The following ZFAND3 variants were observed in gnomAD, a reference collection of about 807,000 sequenced individuals.
ZFAND3 encodes AN1-type zinc finger protein 3.
In ZFAND3, 10 loss-of-function variants were observed where a neutral mutation model predicts 29.6. The observed-to-expected ratio is 0.34, with a 90% CI of 0.21 to 0.57. The LOEUF is 0.57. Among genes scored for constraint, ZFAND3 ranks in the 20% least tolerant of loss-of-function variants. ZFAND3 has a pLI of 0.86. For synonymous variants in ZFAND3, 128 were observed against 112.6 expected, an observed-to-expected ratio of 1.14 and a Z score of -0.87; for missense variants, 230 against 304.5, an observed-to-expected ratio of 0.76 and a Z score of 1.82.
intron 1 of ZFAND3, 148 bp from the exon 2 acceptor site, chr6:37,929,811 C>A: frequency 1.8e-6 from 1 of 552,478 alleles, no homozygotes; most frequent in South Asian, 4.9e-5. Context: ...TGGTGGCTAG[C>A]TAGGGACTTG....
chr6:37,862,293 A>G (rs1764507041), intron 1 of ZFAND3, among the ~76,000 whole-genome samples: 2 of 152,116 alleles, frequency 1.3e-5, no homozygotes, highest in African/African-American at 4.8e-5. Context: ...GGTACAGTAG[A>G]CGGCCTCATT....
At chr6:37,998,522 A>G (rs937031519) in intron 2 of ZFAND3, among the ~76,000 whole-genome samples, 3 of 151,272 alleles carry the variant, frequency 2.0e-5, no homozygotes, top group Admixed American at 6.6e-5. Context: ...TGTATGAAAC[A>G]TCTGTAATGA....
chr6:38,146,055 C>T (rs1325752278), intron 5 of ZFAND3, among the ~76,000 whole-genome samples: 6 of 152,240 alleles, frequency 3.9e-5, no homozygotes, highest in African/African-American at 9.6e-5. Context: ...ACCCCCATCA[C>T]TGTGCCAAGC....
At chr6:37,959,113 G>A (rs1398791140) in intron 2 of ZFAND3, among the ~76,000 whole-genome samples, 1 of 152,150 alleles carries the variant, frequency 6.6e-6, no homozygotes, top group Non-Finnish European at 1.5e-5. Flanking sequence ...TGGTATTCTC[G>A]GCAGCCCCCA....
At chr6:38,085,169 C>T (rs777118379) in intron 4 of ZFAND3, among the ~76,000 whole-genome samples, 1 of 152,160 alleles carries the variant, frequency 6.6e-6, no homozygotes, top group Non-Finnish European at 1.5e-5. Flanking sequence ...TGTCTAGGCT[C>T]TTCAAGTTAG....
chr6:38,101,295 A>G (rs1184693096), intron 4 of ZFAND3, among the ~76,000 whole-genome samples: 1 of 152,162 alleles, frequency 6.6e-6, no homozygotes, highest in Admixed American at 6.5e-5. Context: ...CAGCTCTCTT[A>G]AACGTTGTAC....
intron 2 of ZFAND3, among the ~76,000 whole-genome samples, chr6:38,054,912 A>G (rs2127461377): frequency 6.6e-6 from 1 of 152,316 alleles, no homozygotes; most frequent in African/African-American, 2.4e-5. Flanking sequence ...GCTGGCTACT[A>G]ATGGCTTTGT....
At chr6:37,895,459 C>CTTTTTTTTTTTTTTTTTTT (rs11331881) in intron 1 of ZFAND3, among the ~76,000 whole-genome samples, 11 of 76,772 alleles carry the variant, frequency 1.4e-4, no homozygotes, top group South Asian at 5.7e-4. Flanking sequence ...CTCAGAGGTT[C>CTTTTTTTTTTTTTTTTTTT]TTTTTTTTTT....
intron 1 of ZFAND3, among the ~76,000 whole-genome samples, chr6:37,886,154 C>T (rs1412824535): frequency 7.0e-6 from 1 of 142,144 alleles, no homozygotes; most frequent in African/African-American, 2.6e-5. Context: ...AGGAGAATTG[C>T]TTGAACCCAG....
intron 2 of ZFAND3, chr6:38,003,576 G>T: frequency 4.2e-6 from 1 of 235,802 alleles, no homozygotes; most frequent in South Asian, 4.1e-5. Context: ...TCAGCTCACT[G>T]CAACCCCTGC....
intron 4 of ZFAND3, among the ~76,000 whole-genome samples, chr6:38,108,455 C>T (rs1765250611): frequency 6.6e-6 from 1 of 152,166 alleles, no homozygotes; most frequent in Admixed American, 6.5e-5. Flanking sequence ...ACAAAGGAAG[C>T]TGACAGTACA....
chr6:38,137,788 G>A (rs1765870505), intron 5 of ZFAND3, among the ~76,000 whole-genome samples: 2 of 152,116 alleles, frequency 1.3e-5, no homozygotes, highest in Non-Finnish European at 2.9e-5. Context: ...GGAGAGCAGT[G>A]CCCTAGACAG....
chr6:37,996,412 TGAG>T (rs1224098388), intron 2 of ZFAND3, among the ~76,000 whole-genome samples: 2 of 152,212 alleles, frequency 1.3e-5, no homozygotes, highest in East Asian at 3.8e-4. Context: ...TCAATTTAAA[TGAG>T]GATGCACAGA....
intron 2 of ZFAND3, among the ~76,000 whole-genome samples, chr6:38,036,488 G>A (rs910350532): frequency 2.6e-5 from 4 of 152,188 alleles, no homozygotes; most frequent in African/African-American, 9.7e-5. Flanking sequence ...AAACTAGAAA[G>A]TGTGACCACC....
intron 2 of ZFAND3, among the ~76,000 whole-genome samples, chr6:37,965,470 A>G (rs1394628079): frequency 6.6e-6 from 1 of 152,032 alleles, no homozygotes; most frequent in Non-Finnish European, 1.5e-5. Flanking sequence ...TCATATATCC[A>G]TTTCTTGACC....
At chr6:37,911,405 A>G (rs891071380) in intron 1 of ZFAND3, among the ~76,000 whole-genome samples, 1 of 152,306 alleles carries the variant, frequency 6.6e-6, no homozygotes, top group East Asian at 1.9e-4. Context: ...TTTTCTTGCT[A>G]TTGAGTTGAG....
At chr6:38,086,040 G>A (rs1198015624) in intron 4 of ZFAND3, among the ~76,000 whole-genome samples, 2 of 152,106 alleles carry the variant, frequency 1.3e-5, no homozygotes, top group African/African-American at 2.4e-5. Flanking sequence ...GCAGTGTAGA[G>A]TGGTTGGTCT....
intron 2 of ZFAND3, among the ~76,000 whole-genome samples, chr6:37,962,582 C>G (rs887275075): frequency 6.6e-6 from 1 of 152,146 alleles, no homozygotes; most frequent in Non-Finnish European, 1.5e-5. Context: ...CGCTCTGTGT[C>G]TAGCTAAAGG....
chr6:37,867,859 A>G (rs1764616689), intron 1 of ZFAND3, among the ~76,000 whole-genome samples: 1 of 152,166 alleles, frequency 6.6e-6, no homozygotes, highest in African/African-American at 2.4e-5. Context: ...TGGGTGAAAG[A>G]CTGGATTCTT....
Sources: gnomAD v4.1 joint callset for allele counts (sites outside exome capture counted in the v4.1 genomes callset) on GRCh38, gnomAD v4.1.1 for gene constraint, MANE v1.5 for transcripts, NCBI Gene and HGNC (gene_info 2026-07-23, HGNC 2026-07-21) for gene names.